Variants in UBA2 observed in about 807,000 individuals in gnomAD.
The protein encoded by UBA2 is ubiquitin like modifier activating enzyme 2, also known as SUMO-activating enzyme subunit 2.
A neutral mutation model predicts 77.2 loss-of-function variants in UBA2; 11 were observed. The observed-to-expected ratio is 0.14, with a 90% confidence interval of 0.09 to 0.24. The LOEUF (loss-of-function observed/expected upper bound fraction) is 0.24, where lower values mean the gene tolerates loss of function less well. UBA2 is among the 10% of genes least tolerant of loss of function. The probability of loss-of-function intolerance (pLI) is 1.00; values close to 1 mark genes in which losing one functional copy is unlikely to be tolerated. For missense variants in UBA2, 487 were observed against 781.7 expected (o/e 0.62, Z 4.50); for synonymous variants, 278 against 276.7 (o/e 1.00, Z -0.05).
intron 3 of UBA2, 78 bp downstream of exon 3, chr19:34,432,009 T>G: frequency 8.9e-7 from 1 of 1,119,350 alleles, no homozygotes. Flanking sequence ...TCATTCAGCT[T>G]TTTTAAAAAA....
intron 14 of UBA2, 50 bp from the exon 15 acceptor site, chr19:34,463,976 C>A: frequency 7.6e-7 from 1 of 1,312,962 alleles, no homozygotes; most frequent in Non-Finnish European, 1.1e-6. Context: ...ATCAACCTGA[C>A]TGCTCTATGA....
chr19:34,458,294 G>T (rs893328206), intron 12 of UBA2, among the ~76,000 whole-genome samples: 4 of 152,040 alleles, frequency 2.6e-5, no homozygotes, highest in Non-Finnish European at 1.5e-5. Flanking sequence ...GGTGGCTCAC[G>T]CCTGTAATCC....
intron 7 of UBA2, 128 bp downstream of exon 7, chr19:34,444,039 TTTTTG>T (rs1347820957): frequency 3.8e-5 from 15 of 398,524 alleles, no homozygotes; most frequent in East Asian, 8.3e-5. Flanking sequence ...ATGTGTTTTT[TTTTTG>T]TTTTTTTTTT....
chr19:34,457,214 A>ATATATATATATATATATATATAT (rs2075578002), intron 12 of UBA2, among the ~76,000 whole-genome samples: 5 of 134,534 alleles, frequency 3.7e-5, no homozygotes, highest in African/African-American at 8.6e-5. Flanking sequence ...ATATATATAT[A>ATATATATATATATATATATATAT]AAATTAGCTG....
At chr19:34,455,196 A>G (rs992172794) in intron 12 of UBA2, among the ~76,000 whole-genome samples, 16 of 152,200 alleles carry the variant, frequency 1.1e-4, no homozygotes, top group South Asian at 4.1e-4. Context: ...TTCAATACCT[A>G]TGTATTCAGA....
At position 34,442,318 on chromosome 19, in the gene UBA2, T is replaced by C. The variant is rs180736404; in HGVS notation, c.582-1526T>C. On this transcript the variant is annotated intron_variant, in intron 6 of 16. Coordinates refer to ENST00000246548, the MANE Select transcript of UBA2 (RefSeq NM_005499.3). ...ACCTAAATAAGCAATAAGCAAGTTA[T>C]GTTTTAATCATAAGACTTACTTGGA... is the stretch of plus-strand genomic sequence containing the variant. Among the ~76,000 whole-genome samples the C allele has an allele frequency of 9.8e-5, 15 of 152,348 alleles. 1 individual carries two copies. The highest frequency in any genetic ancestry group is 3.9e-4 in the East Asian group (2 of 5,190).
rs2075720483 is a variant in UBA2, at chr19:34,469,671, T to TG, written c.*451dup. 1 of 152,724 alleles carries TG rather than the reference T, an allele frequency of 6.5e-6. No homozygotes were observed. The highest frequency in any genetic ancestry group is 6.5e-5 in the Admixed American group (1 of 15,288). 9.5% of individuals were successfully genotyped at this position (152,724 alleles called of 1,614,324 possible). A position where few individuals can be genotyped will look rare whatever the true frequency, so the allele number is the denominator to read the frequency against. ...AGATTCAAAGAAGTATCGAGTGCTA[T>TG]GCATTGAAACTTGTTTTTAAATGTT... On this transcript the variant is annotated 3_prime_UTR_variant, in exon 17 of 17. Transcript: ENST00000246548.
At chr19:34,458,149 T>C (rs990685922) in intron 12 of UBA2, among the ~76,000 whole-genome samples, 8 of 152,216 alleles carry the variant, frequency 5.3e-5, no homozygotes, top group African/African-American at 1.2e-4. Context: ...CAGATTAACA[T>C]GCCTGTGCCC....
chr19:34,448,437 A>G (rs544644786), intron 8 of UBA2, among the ~76,000 whole-genome samples: 170 of 150,172 alleles, frequency 1.1e-3, no homozygotes, highest in African/African-American at 3.9e-3. Context: ...TCTAAAAACG[A>G]AAAAAAAATA....
chr19:34,443,989 GA>G (rs1392991644), intron 7 of UBA2, 78 bp downstream of exon 7: 7 of 867,196 alleles, frequency 8.1e-6, no homozygotes, highest in Admixed American at 1.9e-5. Flanking sequence ...TAGCTTAAGG[GA>G]AAAAAATTGC....
At chr19:34,433,132 C>T (rs1049507505) in intron 3 of UBA2, 18 of 467,872 alleles carry the variant, frequency 3.8e-5, no homozygotes, top group Admixed American at 1.6e-4. Context: ...TCTCTTGTGC[C>T]CTAGCTGGCC....
chr19:34,431,005 A>C (rs2075246920), intron 2 of UBA2, among the ~76,000 whole-genome samples: 1 of 152,126 alleles, frequency 6.6e-6, no homozygotes, highest in South Asian at 2.1e-4. Flanking sequence ...TAGTTGAAAC[A>C]AGACAGTTCC....
At chr19:34,434,034 A>C (rs2075283871) in intron 4 of UBA2, among the ~76,000 whole-genome samples, 1 of 151,342 alleles carries the variant, frequency 6.6e-6, no homozygotes, top group African/African-American at 2.4e-5. Flanking sequence ...TTACTTCCAC[A>C]TGTAAAAGTA....
chr19:34,437,534 C>T (rs548925496), intron 5 of UBA2, among the ~76,000 whole-genome samples: 3 of 151,284 alleles, frequency 2.0e-5, no homozygotes, highest in South Asian at 2.1e-4. Flanking sequence ...CACTTGAACC[C>T]GGGAGGCAGA....
chr19:34,451,835 C>T (rs921159283), intron 9 of UBA2, 146 bp from the exon 10 acceptor site: 13 of 438,524 alleles, frequency 3.0e-5, no homozygotes, highest in South Asian at 1.6e-4. Context: ...CGTGAGCCAC[C>T]GTGCCTGGCC....
intron 10 of UBA2, among the ~76,000 whole-genome samples, chr19:34,453,953 C>T (rs367861772): frequency 8.5e-5 from 13 of 152,068 alleles, no homozygotes; most frequent in South Asian, 6.2e-4. Flanking sequence ...ATTGAGATTC[C>T]GGTGTATACA....
At chr19:34,445,230 A>ATG in intron 8 of UBA2, 109 bp downstream of exon 8, 2 of 1,140,040 alleles carry the variant, frequency 1.8e-6, no homozygotes. Context: ...TTAAGCTTCT[A>ATG]TGTATATGCC....
chr19:34,428,414 G>T lies in UBA2; in HGVS notation c.-19G>T. ...GTTCTCCCGCCTCCGCCTCCGCCGC[G>T]GCTCGTGGTTGTCCCGCCATGGCAC... is the stretch of plus-strand genomic sequence containing the variant. On this transcript the variant is annotated 5_prime_UTR_variant, in exon 1 of 17. Transcript: ENST00000246548. The T allele has an allele frequency of 8.8e-6, 11 of 1,247,824 alleles. No homozygotes were observed. Among genetic ancestry groups the T allele is most frequent in the Non-Finnish European group, 1.1e-5 (11 of 994,912 alleles). 77.3% of individuals were successfully genotyped at this position (1,247,824 alleles called of 1,614,324 possible).
At position 34,452,283 on chromosome 19, in the gene UBA2, C is replaced by T. The variant is rs116585334; in HGVS notation, c.1038+136C>T. 567 of 778,024 alleles carry T rather than the reference C, an allele frequency of 7.3e-4. 1 individual carries two copies. The African/African-American group carries it at 9.1e-3, about 13-fold the overall frequency. The allele number at this position is 778,024 out of a possible 1,614,324, so 48.2% of individuals were successfully genotyped here. Reference sequence around the variant, plus strand: ...TATATTGATTTGGCTTGGATATTTTCAGCTCTAATTGCTGTATGGAGCTGA... The same window carrying T: ...TATATTGATTTGGCTTGGATATTTTTAGCTCTAATTGCTGTATGGAGCTGA... On this transcript the variant is annotated intron_variant, in intron 10 of 16. Coordinates refer to ENST00000246548, the MANE Select transcript of UBA2 (RefSeq NM_005499.3).
Sources: allele counts gnomAD v4.1 joint callset (sites outside exome capture counted in the v4.1 genomes callset), GRCh38; gene constraint gnomAD v4.1.1; transcripts MANE v1.5; gene names NCBI Gene and HGNC (gene_info 2026-07-23, HGNC 2026-07-21).